Variants in RAD51B observed in about 807,000 individuals in gnomAD.
RAD51B encodes DNA repair protein RAD51 homolog 2.
Under a neutral mutation model 42.2 loss-of-function variants are expected in RAD51B, and 38 were observed. The ratio of observed to expected loss-of-function variants is 0.90; its 90% confidence interval spans 0.70 to 1.18. The LOEUF is 1.18. Among genes scored for constraint, RAD51B ranks in the 50% most tolerant of loss-of-function variants. The pLI is 0.00. For synonymous variants in RAD51B, 154 were observed against 145.2 expected (o/e 1.06, Z -0.43); for missense variants, 373 against 400.7 (o/e 0.93, Z 0.59).
intron 11 of RAD51B, among the ~76,000 whole-genome samples, chr14:68,664,153 A>G: frequency 6.6e-6 from 1 of 152,238 alleles, no homozygotes; most frequent in East Asian, 1.9e-4. Context: ...TTATTTTATT[A>G]GCTAGAGAGG....
At chr14:68,137,224 C>T (rs531013704) in intron 7 of RAD51B, among the ~76,000 whole-genome samples, 3 of 152,074 alleles carry the variant, frequency 2.0e-5, no homozygotes, top group African/African-American at 7.2e-5. Flanking sequence ...TGCAGTGAGC[C>T]GAGACCACGC....
intron 7 of RAD51B, among the ~76,000 whole-genome samples, chr14:68,105,257 C>T (rs2077357868): frequency 6.6e-6 from 1 of 151,934 alleles, no homozygotes; most frequent in South Asian, 2.1e-4. Context: ...AATTGGGCTT[C>T]AGTTTCCTGA....
intron 10 of RAD51B, among the ~76,000 whole-genome samples, chr14:68,551,340 G>A (rs758062175): frequency 1.4e-4 from 21 of 152,118 alleles, no homozygotes; most frequent in Non-Finnish European, 2.9e-4. Flanking sequence ...GCCCCAAGTC[G>A]CGTCCCTCGC....
chr14:67,874,112 A>G (rs1595044454), intron 5 of RAD51B, among the ~76,000 whole-genome samples: 1 of 150,872 alleles, frequency 6.6e-6, no homozygotes, highest in East Asian at 1.9e-4. Context: ...TTAATTAAAA[A>G]AATGTATTAA....
intron 11 of RAD51B, among the ~76,000 whole-genome samples, chr14:68,675,223 AAC>A (rs1352084552): frequency 1.3e-5 from 2 of 152,280 alleles, no homozygotes; most frequent in African/African-American, 2.4e-5. Flanking sequence ...GTCAGTAACA[AAC>A]ACAGGGAGTT....
chr14:68,446,926 C>G (rs1566889499), intron 9 of RAD51B, among the ~76,000 whole-genome samples: 1 of 152,060 alleles, frequency 6.6e-6, no homozygotes, highest in East Asian at 1.9e-4. Flanking sequence ...CTAAATAATA[C>G]ACATATTAAG....
At chr14:68,134,716 A>T (rs1186978909) in intron 7 of RAD51B, among the ~76,000 whole-genome samples, 1 of 152,084 alleles carries the variant, frequency 6.6e-6, no homozygotes, top group Non-Finnish European at 1.5e-5. Context: ...CCATCTATAT[A>T]TCCCGCTTGA....
chr14:68,471,766 A>G (rs2086133384), intron 10 of RAD51B, among the ~76,000 whole-genome samples: 1 of 151,726 alleles, frequency 6.6e-6, no homozygotes, highest in African/African-American at 2.4e-5. Flanking sequence ...GGAGGCCTCA[A>G]CTCAGGCCAT....
intron 7 of RAD51B, among the ~76,000 whole-genome samples, chr14:68,095,958 T>G (rs1595390353): frequency 8.6e-6 from 1 of 116,018 alleles, no homozygotes; most frequent in Non-Finnish European, 1.6e-5. Flanking sequence ...GGTGACAGAG[T>G]GAGACTCCGT....
At chr14:68,458,558 A>G (rs1260335048) in intron 9 of RAD51B, among the ~76,000 whole-genome samples, 1 of 152,038 alleles carries the variant, frequency 6.6e-6, no homozygotes, top group Non-Finnish European at 1.5e-5. Flanking sequence ...TTTTGAAAAC[A>G]ATCACCAGAG....
At chr14:68,378,196 T>G (rs571009048) in intron 8 of RAD51B, among the ~76,000 whole-genome samples, 1 of 152,340 alleles carries the variant, frequency 6.6e-6, no homozygotes, top group Admixed American at 6.5e-5. Flanking sequence ...TCAACCTAAT[T>G]ACTTTTGGCC....
intron 7 of RAD51B, among the ~76,000 whole-genome samples, chr14:67,922,902 G>C (rs753404321): frequency 3.3e-5 from 5 of 152,136 alleles, no homozygotes; most frequent in Admixed American, 6.5e-5. Flanking sequence ...ATGTTGGCAG[G>C]CTGGTCTCAA....
At chr14:68,382,525 CAGTT>C (rs529158097) in intron 8 of RAD51B, among the ~76,000 whole-genome samples, 100 of 152,276 alleles carry the variant, frequency 6.6e-4, no homozygotes, top group African/African-American at 2.4e-3. Context: ...ATTCAAATAA[CAGTT>C]ATTACAGATG....
intron 7 of RAD51B, among the ~76,000 whole-genome samples, chr14:67,909,757 C>T (rs764791846): frequency 6.6e-6 from 1 of 152,176 alleles, no homozygotes; most frequent in Non-Finnish European, 1.5e-5. Context: ...TGGCTCACTG[C>T]AGCCTTCACC....
intron 7 of RAD51B, among the ~76,000 whole-genome samples, chr14:68,110,811 T>C (rs1213501226): frequency 6.6e-6 from 1 of 152,080 alleles, no homozygotes; most frequent in Non-Finnish European, 1.5e-5. Context: ...TATTATGCGA[T>C]ACTGTGGCTC....
At chr14:68,253,142 C>T (rs865899845) in intron 7 of RAD51B, among the ~76,000 whole-genome samples, 1 of 151,486 alleles carries the variant, frequency 6.6e-6, no homozygotes, top group Middle Eastern at 3.4e-3. Flanking sequence ...TTCCAAAAGG[C>T]AGAAAAATAT....
intron 5 of RAD51B, among the ~76,000 whole-genome samples, chr14:67,883,886 C>T (rs535959509): frequency 1.3e-5 from 2 of 152,158 alleles, no homozygotes; most frequent in Middle Eastern, 3.4e-3. Context: ...GATCTTAGTG[C>T]TCATTTTGAA....
At chr14:68,272,969 C>T (rs1253280626) in intron 7 of RAD51B, among the ~76,000 whole-genome samples, 1 of 151,748 alleles carries the variant, frequency 6.6e-6, no homozygotes. Flanking sequence ...CAGGCGTGAG[C>T]CACTGCGCCT....
intron 4 of RAD51B, among the ~76,000 whole-genome samples, chr14:67,842,181 C>T (rs538944337): frequency 8.6e-5 from 13 of 152,040 alleles, no homozygotes; most frequent in Non-Finnish European, 1.9e-4. Flanking sequence ...CTTGACTTGG[C>T]TCTCAGCTGG....
Sources: allele counts gnomAD v4.1 joint callset (sites outside exome capture counted in the v4.1 genomes callset), GRCh38; gene constraint gnomAD v4.1.1; transcripts MANE v1.5; gene names NCBI Gene and HGNC (gene_info 2026-07-23, HGNC 2026-07-21).